The following RASA1 variants were observed in gnomAD, a reference collection of about 807,000 sequenced individuals.
RASA1 encodes the protein RAS p21 protein activator 1.
Under a neutral mutation model 132.2 loss-of-function variants are expected in RASA1, and 25 were observed. That is an observed-to-expected ratio of 0.19 (90% CI 0.14 to 0.26). The LOEUF is 0.26. Ranked by LOEUF, RASA1 falls within the 10% of genes least tolerant of loss-of-function variation. The pLI is 1.00. For synonymous variants in RASA1, 477 were observed against 449.9 expected, an observed-to-expected ratio of 1.06 and a Z score of -0.76; for missense variants, 964 against 1,299.2, an observed-to-expected ratio of 0.74 and a Z score of 3.97.
chr5:87,322,743 G>A (rs989709475), intron 1 of RASA1, among the ~76,000 whole-genome samples: 1 of 152,150 alleles, frequency 6.6e-6, no homozygotes, highest in Non-Finnish European at 1.5e-5. Context: ...AAGGGCTATG[G>A]GAGTTATAAG....
At position 87,337,324 on chromosome 5, in the gene RASA1, C is replaced by G. The variant is rs561759914; in HGVS notation, c.900-650C>G. Among the ~76,000 whole-genome samples, 67 of 151,944 alleles carry G rather than the reference C, an allele frequency of 4.4e-4. 1 individual carries two copies. Among genetic ancestry groups the G allele is most frequent in the African/African-American group, 1.5e-3 (64 of 41,496 alleles). On this transcript the variant is annotated intron_variant, in intron 4 of 24. Coordinates refer to ENST00000274376, the MANE Select transcript of RASA1 (RefSeq NM_002890.3). ...CATCTCTGTACTCTTAAATTGGTAA[C>G]AGAAAAAAAACATACATTCCTTTCT...
chr5:87,341,349 A>AC, intron 6 of RASA1, 28 bp downstream of exon 6: 1 of 1,310,368 alleles, frequency 7.6e-7, no homozygotes, highest in Non-Finnish European at 9.9e-7. Flanking sequence ...ATTAAAATGA[A>AC]AAAAAAAATC....
intron 1 of RASA1, among the ~76,000 whole-genome samples, chr5:87,285,367 A>G (rs961963597): frequency 4.6e-5 from 7 of 151,560 alleles, no homozygotes; most frequent in South Asian, 2.1e-4. Flanking sequence ...GCGCCTGGCA[A>G]TGAATGGTAC....
intron 1 of RASA1, among the ~76,000 whole-genome samples, chr5:87,284,452 T>C (rs1045770252): frequency 6.6e-6 from 1 of 152,220 alleles, no homozygotes; most frequent in Non-Finnish European, 1.5e-5. Flanking sequence ...TATTAATCAC[T>C]GCATTAAGTA....
chr5:87,268,273 A>C lies in RASA1; in HGVS notation c.-179A>C, dbSNP rs886060838. 17 of 904,332 alleles carry C rather than the reference A, an allele frequency of 1.9e-5. No homozygotes were observed. Among genetic ancestry groups the C allele is most frequent in the Non-Finnish European group, 2.7e-5 (17 of 621,076 alleles). 56.0% of individuals were successfully genotyped at this position (904,332 alleles called of 1,614,324 possible). ...CTTCCCGTAACCCAGGCAGCTGGGG[A>C]GCCTGGGCTGTGGCCCTAGGAGGGG... On this transcript the variant is annotated 5_prime_UTR_variant, in exon 1 of 25. Transcript: ENST00000274376.
chr5:87,287,185 T>TAC (rs1289845838), intron 1 of RASA1, among the ~76,000 whole-genome samples: 3 of 143,040 alleles, frequency 2.1e-5, no homozygotes, highest in Non-Finnish European at 4.6e-5. Flanking sequence ...CATATATATA[T>TAC]ACACACCGTA....
At chr5:87,293,632 G>C (rs1754998192) in intron 1 of RASA1, among the ~76,000 whole-genome samples, 1 of 152,154 alleles carries the variant, frequency 6.6e-6, no homozygotes, top group South Asian at 2.1e-4. Flanking sequence ...GTCTCTGAAA[G>C]AGACTGTAGA....
chr5:87,369,701 T>G (rs564376030), intron 11 of RASA1, 112 bp from the exon 12 acceptor site: 3 of 762,816 alleles, frequency 3.9e-6, no homozygotes, highest in East Asian at 5.5e-5. Flanking sequence ...TATTATTTCT[T>G]TAAGAATTAT....
At position 87,367,190 on chromosome 5, in the gene RASA1, A is replaced by G. The variant is rs561407635; in HGVS notation, c.1611-2623A>G. Reference sequence around the variant, plus strand: ...AATAGCATTAACAAAGTACATTTCAAGGAAATGAGAAGACATCTGTACCAT... The same window carrying G: ...AATAGCATTAACAAAGTACATTTCAGGGAAATGAGAAGACATCTGTACCAT... On this transcript the variant is annotated intron_variant, in intron 11 of 24. Transcript: ENST00000274376. Among the ~76,000 whole-genome samples the G allele has an allele frequency of 1.4e-4, 22 of 152,372 alleles. No individual in the cohort carries two copies. In the East Asian group the frequency reaches 4.0e-3, roughly 28 times the overall value.
At position 87,353,244 on chromosome 5, in the gene RASA1, T is replaced by C; in HGVS notation, c.1332+9T>C. 6.3e-7 allele frequency: 1 copy of C among 1,590,072 alleles called. No homozygotes were observed. Among genetic ancestry groups the C allele is most frequent in the Non-Finnish European group, 8.6e-7 (1 of 1,158,922 alleles). ...AACCTGTACCAATGCAGGTCAGTGT[T>C]GCATTTCTTATTGCAATAATTAGCA... On this transcript the variant is annotated intron_variant, in intron 9 of 24. Coordinates refer to ENST00000274376, the MANE Select transcript of RASA1 (RefSeq NM_002890.3).
intron 5 of RASA1, among the ~76,000 whole-genome samples, chr5:87,340,960 G>A (rs79496528): frequency 2.0e-5 from 3 of 147,864 alleles, no homozygotes; most frequent in African/African-American, 7.5e-5. Context: ...GTAGAGAGGT[G>A]TTTTTTTTTT....
At chr5:87,326,791 G>T (rs1479850771) in intron 1 of RASA1, among the ~76,000 whole-genome samples, 1 of 151,894 alleles carries the variant, frequency 6.6e-6, no homozygotes, top group African/African-American at 2.4e-5. Context: ...GGCACTTGCA[G>T]CCCCAATTAA....
chr5:87,366,893 G>A (rs563023457), intron 11 of RASA1, among the ~76,000 whole-genome samples: 8 of 152,108 alleles, frequency 5.3e-5, no homozygotes, highest in Non-Finnish European at 1.2e-4. Context: ...TTAGCCAGGT[G>A]TGGTGATGCA....
rs138484170 is a variant in RASA1, at chr5:87,390,607, T to C, written c.3061-193T>C. ...ACAAATTTCTGTTCACTTTAGGGTA[T>C]AAAAATTCTCTTAGTTATGACCAGA... On this transcript the variant is annotated intron_variant, in intron 24 of 24. Transcript: ENST00000274376. Among the ~76,000 whole-genome samples the C allele has an allele frequency of 2.7e-3, 414 of 152,284 alleles. 3 individuals are homozygous for C. The highest frequency in any genetic ancestry group is 8.5e-3 in the East Asian group (44 of 5,178).
intron 9 of RASA1, among the ~76,000 whole-genome samples, chr5:87,356,383 A>AGTTT (rs1554047341): frequency 7.1e-6 from 1 of 141,722 alleles, no homozygotes; most frequent in African/African-American, 2.6e-5. Context: ...GATGATTGTT[A>AGTTT]TTTTTTTTTT....
intron 9 of RASA1, among the ~76,000 whole-genome samples, chr5:87,355,727 C>T (rs1238695508): frequency 6.6e-6 from 1 of 152,154 alleles, no homozygotes; most frequent in Non-Finnish European, 1.5e-5. Context: ...ACATTGAAAA[C>T]CCTTTGGAAA....
intron 8 of RASA1, 152 bp from the exon 9 acceptor site, chr5:87,353,005 T>C: frequency 1.6e-6 from 1 of 629,430 alleles, no homozygotes; most frequent in East Asian, 2.8e-5. Context: ...AATATGAATG[T>C]TATGATCATT....
intron 1 of RASA1, among the ~76,000 whole-genome samples, chr5:87,301,396 A>G (rs538346753): frequency 2.6e-5 from 4 of 151,792 alleles, no homozygotes; most frequent in East Asian, 1.9e-4. Context: ...GTTCAGCACA[A>G]TGAATTTTAA....
At chr5:87,270,589 C>T (rs1207831987) in intron 1 of RASA1, among the ~76,000 whole-genome samples, 1 of 150,106 alleles carries the variant, frequency 6.7e-6, no homozygotes, top group Non-Finnish European at 1.5e-5. Context: ...TCAGGTGATC[C>T]GCCGGCCTCA....
Sources: allele counts gnomAD v4.1 joint callset (sites outside exome capture counted in the v4.1 genomes callset), GRCh38; gene constraint gnomAD v4.1.1; transcripts MANE v1.5; gene names NCBI Gene and HGNC (gene_info 2026-07-23, HGNC 2026-07-21).